Variants in SMURF2 observed in about 807,000 individuals in gnomAD.
The protein encoded by SMURF2 is SMAD specific E3 ubiquitin protein ligase 2, also known as E3 ubiquitin-protein ligase SMURF2.
Under a neutral mutation model 109.6 loss-of-function variants are expected in SMURF2, and 48 were observed. That is an observed-to-expected ratio of 0.44 (90% CI 0.35 to 0.56). The LOEUF is 0.56. Ranked by LOEUF, SMURF2 falls within the 20% of genes least tolerant of loss-of-function variation. SMURF2 has a pLI of 0.01. For synonymous variants in SMURF2, 288 were observed against 317.1 expected (o/e 0.91, Z 0.97); for missense variants, 575 against 909.0 (o/e 0.63, Z 4.72).
chr17:64,625,940 A>G (rs1555691131), intron 1 of SMURF2, among the ~76,000 whole-genome samples: 1 of 152,182 alleles, frequency 6.6e-6, no homozygotes, highest in Non-Finnish European at 1.5e-5. Flanking sequence ...GCTCATCCAC[A>G]TACTCTTCCA....
intron 1 of SMURF2, among the ~76,000 whole-genome samples, chr17:64,641,618 G>A (rs782185727): frequency 2.6e-5 from 4 of 152,092 alleles, no homozygotes; most frequent in Non-Finnish European, 5.9e-5. Flanking sequence ...AGTCATGTTA[G>A]CAGTGTAGCT....
intron 1 of SMURF2, among the ~76,000 whole-genome samples, chr17:64,609,160 T>C (rs1029262217): frequency 6.6e-6 from 1 of 152,056 alleles, no homozygotes; most frequent in African/African-American, 2.4e-5. Context: ...TGTTCATGGA[T>C]AGGAAGAATC....
At chr17:64,634,980 T>C (rs1555691954) in intron 1 of SMURF2, among the ~76,000 whole-genome samples, 1 of 152,120 alleles carries the variant, frequency 6.6e-6, no homozygotes, top group African/African-American at 2.4e-5. Context: ...AACCTAATAA[T>C]AATAATAATA....
chr17:64,607,639 G>T (rs1485806804), intron 1 of SMURF2, among the ~76,000 whole-genome samples: 4 of 138,542 alleles, frequency 2.9e-5, no homozygotes, highest in African/African-American at 1.2e-4. Context: ...AAAAAAAAAA[G>T]GATTTTATAG....
intron 3 of SMURF2, among the ~76,000 whole-genome samples, chr17:64,597,757 A>G (rs111284192): frequency 1.7e-4 from 25 of 149,324 alleles, no homozygotes; most frequent in Non-Finnish European, 3.0e-4. Context: ...TGGGTGACAG[A>G]GCAAGACTGT....
At chr17:64,630,196 A>G (rs1324644871) in intron 1 of SMURF2, among the ~76,000 whole-genome samples, 1 of 152,020 alleles carries the variant, frequency 6.6e-6, no homozygotes, top group African/African-American at 2.4e-5. Context: ...AGATCGCACC[A>G]CTGTACTCCA....
intron 1 of SMURF2, among the ~76,000 whole-genome samples, chr17:64,648,935 C>T (rs1012082699): frequency 6.6e-6 from 1 of 152,120 alleles, no homozygotes; most frequent in Non-Finnish European, 1.5e-5. Context: ...TGTAAAAAAT[C>T]TCTATCAACC....
chr17:64,602,094 G>A (rs1292002409), intron 2 of SMURF2, among the ~76,000 whole-genome samples: 2 of 151,790 alleles, frequency 1.3e-5, no homozygotes, highest in African/African-American at 2.4e-5. Flanking sequence ...ACCTAACATC[G>A]TATGTTCTCA....
chr17:64,591,058 C>A, intron 5 of SMURF2, 26 bp downstream of exon 5: 1 of 1,585,660 alleles, frequency 6.3e-7, no homozygotes, highest in East Asian at 2.3e-5. Flanking sequence ...AACCAAAATT[C>A]ATGTAACTTT....
chr17:64,577,556 A>C (rs1969511677), intron 9 of SMURF2, among the ~76,000 whole-genome samples: 1 of 126,720 alleles, frequency 7.9e-6, no homozygotes, highest in African/African-American at 4.3e-5. Flanking sequence ...AGTATAATAA[A>C]ATAAATAAAT....
intron 5 of SMURF2, among the ~76,000 whole-genome samples, chr17:64,587,575 T>C (rs1409466076): frequency 6.6e-6 from 1 of 152,164 alleles, no homozygotes; most frequent in South Asian, 2.1e-4. Context: ...TCTTAAATAA[T>C]AGGTCAGCAC....
chr17:64,624,116 T>C (rs1555690924), intron 1 of SMURF2, among the ~76,000 whole-genome samples: 14 of 152,184 alleles, frequency 9.2e-5, no homozygotes. Context: ...CTACAACAAA[T>C]GACACACTAC....
chr17:64,619,173 T>G (rs961339902), intron 1 of SMURF2, among the ~76,000 whole-genome samples: 19 of 152,016 alleles, frequency 1.2e-4, no homozygotes, highest in African/African-American at 4.6e-4. Flanking sequence ...CCTACGAGGT[T>G]GCAAACACAT....
intron 6 of SMURF2, among the ~76,000 whole-genome samples, chr17:64,584,318 C>CAAA (rs368630194): frequency 1.4e-5 from 1 of 71,850 alleles, no homozygotes; most frequent in Non-Finnish European, 2.9e-5. Flanking sequence ...AACTCCTTCT[C>CAAA]AAAAAAAAAA....
intron 1 of SMURF2, among the ~76,000 whole-genome samples, chr17:64,656,022 T>C (rs1488577584): frequency 3.9e-5 from 6 of 152,220 alleles, no homozygotes; most frequent in Non-Finnish European, 7.3e-5. Flanking sequence ...ACTACATCAC[T>C]GTGGAAAGGA....
At chr17:64,561,282 T>C (rs1235871313) in intron 12 of SMURF2, among the ~76,000 whole-genome samples, 2 of 152,200 alleles carry the variant, frequency 1.3e-5, no homozygotes, top group Admixed American at 6.5e-5. Flanking sequence ...TGCAGTCTCA[T>C]GGGACTCAGA....
rs73333931 is a variant in SMURF2 at position 64,556,523 on chromosome 17, T to C, written c.1432-525A>G. Among the ~76,000 whole-genome samples the C allele has an allele frequency of 2.1e-3, 322 of 152,220 alleles. 1 individual carries two copies. The highest frequency in any genetic ancestry group is 7.4e-3 in the African/African-American group (307 of 41,518). ...AAGACTAACTGTCCACATCTGGAAA[T>C]ATGAGGATAATAACAGTATCTAAAA... On this transcript the variant is annotated intron_variant, in intron 13 of 18. Coordinates refer to ENST00000262435, the MANE Select transcript of SMURF2 (RefSeq NM_022739.4).
chr17:64,592,567 TTTTG>T (rs1402722739), intron 4 of SMURF2, among the ~76,000 whole-genome samples: 11 of 152,350 alleles, frequency 7.2e-5, no homozygotes, highest in Admixed American at 3.3e-4. Flanking sequence ...ATTTACTCTT[TTTTG>T]TTTATTAATT....
At chr17:64,566,561 G>GTTTTCTTTTTTTTTTTTTTTT (rs1969306410) in intron 10 of SMURF2, among the ~76,000 whole-genome samples, 1 of 43,784 alleles carries the variant, frequency 2.3e-5, no homozygotes, top group Non-Finnish European at 4.2e-5. Flanking sequence ...AAGCTTTCTG[G>GTTTTCTTTTTTTTTTTTTTTT]TTTTTTTTTT....
Sources: gnomAD v4.1 joint callset for allele counts (sites outside exome capture counted in the v4.1 genomes callset) on GRCh38, gnomAD v4.1.1 for gene constraint, MANE v1.5 for transcripts, NCBI Gene and HGNC (gene_info 2026-07-23, HGNC 2026-07-21) for gene names.